Variants in SUGCT observed in about 807,000 individuals in gnomAD.
SUGCT encodes succinyl-CoA:glutarate CoA-transferase.
In SUGCT, 41 loss-of-function variants were observed where a neutral mutation model predicts 55.0. The ratio of observed to expected loss-of-function variants is 0.74; its 90% CI spans 0.58 to 0.97. The LOEUF (loss-of-function observed/expected upper bound fraction) is 0.97. SUGCT is among the 50% of genes least tolerant of loss of function. SUGCT has a pLI of 0.00. For missense variants in SUGCT, 568 were observed against 547.8 expected, an observed-to-expected ratio of 1.04 and a Z score of -0.37; for synonymous variants, 187 against 200.4, an observed-to-expected ratio of 0.93 and a Z score of 0.56.
At chr7:40,180,400 G>A (rs1785131616) in intron 1 of SUGCT, among the ~76,000 whole-genome samples, 2 of 151,892 alleles carry the variant, frequency 1.3e-5, no homozygotes. Flanking sequence ...TTACAGGCGT[G>A]AGCCACCATA....
At chr7:40,609,682 CA>C (rs1798686792) in intron 12 of SUGCT, among the ~76,000 whole-genome samples, 2 of 151,994 alleles carry the variant, frequency 1.3e-5, no homozygotes, top group South Asian at 2.1e-4. Context: ...AGCAAAACAA[CA>C]AATGGATTGT....
intron 9 of SUGCT, among the ~76,000 whole-genome samples, chr7:40,375,676 T>C (rs1479512008): frequency 6.6e-6 from 1 of 151,750 alleles, no homozygotes; most frequent in Non-Finnish European, 1.5e-5. Flanking sequence ...TTCTGTTCTT[T>C]AGTCCTGTAC....
chr7:41,027,769 T>G, the SUGCT span, among the ~76,000 whole-genome samples: 10 of 152,176 alleles, frequency 6.6e-5, no homozygotes, highest in African/African-American at 2.4e-4. Context: ...CATATTTAAT[T>G]TTTTAATGAT....
the SUGCT span, among the ~76,000 whole-genome samples, chr7:41,018,878 AAAC>A: frequency 4.3e-4 from 66 of 152,204 alleles, no homozygotes; most frequent in African/African-American, 1.5e-3. Context: ...TTTCCCCTAT[AAAC>A]AACATTTATA....
intron 12 of SUGCT, among the ~76,000 whole-genome samples, chr7:40,704,686 T>C (rs1309737670): frequency 1.3e-5 from 2 of 152,188 alleles, no homozygotes; most frequent in Non-Finnish European, 2.9e-5. Flanking sequence ...TTGTCGTTTT[T>C]GTATTGAATT....
chr7:40,952,981 T>C, the SUGCT span, among the ~76,000 whole-genome samples: 1 of 152,190 alleles, frequency 6.6e-6, no homozygotes, highest in Non-Finnish European at 1.5e-5. Context: ...TTCTATTTCC[T>C]GAATTTGAAT....
At position 40,337,237 on chromosome 7, in the gene SUGCT, G is replaced by A. The variant is rs566747728; in HGVS notation, c.816+20382G>A. Among the ~76,000 whole-genome samples, 21 of 152,280 alleles carry A rather than the reference G, an allele frequency of 1.4e-4. No individual in the cohort carries two copies. The East Asian group carries it at 4.0e-3, about 29-fold the overall frequency. ...AATGTATATTCTGCTGATTTGGGAT[G>A]GAGAGTTCTGTAGATGTCTATTACT... On this transcript the variant is annotated intron_variant, in intron 9 of 13. Transcript: ENST00000335693.
chr7:40,434,214 T>C (rs1334016476), intron 9 of SUGCT, among the ~76,000 whole-genome samples: 2 of 152,196 alleles, frequency 1.3e-5, no homozygotes, highest in African/African-American at 4.8e-5. Flanking sequence ...TTAATCATGG[T>C]AGATGTGCCC....
At chr7:40,434,384 A>C (rs935551757) in intron 9 of SUGCT, among the ~76,000 whole-genome samples, 2 of 152,174 alleles carry the variant, frequency 1.3e-5, no homozygotes, top group African/African-American at 4.8e-5. Context: ...CCTTCTGTTG[A>C]ATAAGGCTGG....
chr7:40,202,759 T>G (rs1322671219), intron 6 of SUGCT, among the ~76,000 whole-genome samples: 1 of 152,200 alleles, frequency 6.6e-6, no homozygotes, highest in Non-Finnish European at 1.5e-5. Flanking sequence ...CTGTTTTTTG[T>G]GGTTGTCTAT....
intron 12 of SUGCT, among the ~76,000 whole-genome samples, chr7:40,664,276 A>T (rs553365020): frequency 6.6e-6 from 1 of 152,314 alleles, no homozygotes; most frequent in Non-Finnish European, 1.5e-5. Flanking sequence ...AGTTTAAGAA[A>T]ATCTCCAGGT....
chr7:40,684,151 C>A (rs1193962281), intron 12 of SUGCT: 1 of 1,576,058 alleles, frequency 6.3e-7, no homozygotes, highest in South Asian at 1.2e-5. Flanking sequence ...GAGCCCTTCT[C>A]TTACTACATC....
chr7:40,339,518 G>A (rs2151172390), intron 9 of SUGCT, among the ~76,000 whole-genome samples: 1 of 152,290 alleles, frequency 6.6e-6, no homozygotes, highest in African/African-American at 2.4e-5. Flanking sequence ...AATGAGTGAG[G>A]CTCCATGGGC....
intron 12 of SUGCT, among the ~76,000 whole-genome samples, chr7:40,602,568 C>T (rs576408232): frequency 1.3e-5 from 2 of 152,238 alleles, no homozygotes; most frequent in African/African-American, 4.8e-5. Context: ...CCTTCTGGAC[C>T]ACAGACTCAG....
chr7:40,739,020 A>T (rs1293135283), intron 12 of SUGCT, among the ~76,000 whole-genome samples: 1 of 152,148 alleles, frequency 6.6e-6, no homozygotes, highest in East Asian at 1.9e-4. Context: ...ACCATAATTA[A>T]AAAAAAGCTT....
At chr7:40,445,983 G>T (rs1015258579) in intron 9 of SUGCT, among the ~76,000 whole-genome samples, 1 of 151,940 alleles carries the variant, frequency 6.6e-6, no homozygotes, top group Non-Finnish European at 1.5e-5. Context: ...TTACTGGTTT[G>T]TTTTAAAGGA....
intron 12 of SUGCT, among the ~76,000 whole-genome samples, chr7:40,608,724 A>G (rs1798633013): frequency 6.6e-6 from 1 of 152,120 alleles, no homozygotes; most frequent in Admixed American, 6.5e-5. Flanking sequence ...GTCCTTTTGT[A>G]CTTTAGTACA....
chr7:40,644,731 G>A (rs980325451), intron 12 of SUGCT, among the ~76,000 whole-genome samples: 11 of 152,142 alleles, frequency 7.2e-5, no homozygotes, highest in African/African-American at 2.4e-4. Flanking sequence ...CTCGAATTCC[G>A]TGTGCAGGAG....
At chr7:40,991,633 C>T in the SUGCT span, among the ~76,000 whole-genome samples, 1 of 152,128 alleles carries the variant, frequency 6.6e-6, no homozygotes, top group Admixed American at 6.6e-5. Context: ...TAGGGTGAGG[C>T]AGGCCGGAGG....
Sources: allele counts gnomAD v4.1 joint callset (sites outside exome capture counted in the v4.1 genomes callset), GRCh38; gene constraint gnomAD v4.1.1; transcripts MANE v1.5; gene names NCBI Gene and HGNC (gene_info 2026-07-23, HGNC 2026-07-21).